CDK9: variants seen among roughly 807,000 people sequenced by gnomAD.
CDK9 encodes cyclin dependent kinase 9.
In CDK9, 34 loss-of-function variants were observed where a neutral mutation model predicts 39.0. That is an observed-to-expected ratio of 0.87 (90% CI 0.66 to 1.16). The LOEUF (loss-of-function observed/expected upper bound fraction) is 1.16, where lower values mean the gene tolerates loss of function less well. Ranked by LOEUF, CDK9 falls within the 50% of genes most tolerant of loss-of-function variation. The pLI is 0.00. For synonymous variants in CDK9, 233 were observed against 196.2 expected (o/e 1.19, Z -1.57); for missense variants, 369 against 503.2 (o/e 0.73, Z 2.55).
chr9:127,788,648 C>T lies in CDK9; in HGVS notation c.709C>T (p.Gln237Ter), dbSNP rs372825047. The change falls in exon 6 of 7, where the codon CAA becomes TAA. Residue 237 changes from glutamine to a stop codon, truncating the protein, a stop_gained. Coordinates refer to ENST00000373264, the MANE Select transcript of CDK9 (RefSeq NM_001261.4). LOFTEE classifies it high-confidence loss of function. ...CATGCAGGGCAACACGGAGCAGCAC[C>T]AACTCGCCCTCATCAGTCAGCTCTG... ...PIMQGNTEQH[Q>*]LALISQLCGS... 2 of 1,611,878 alleles carry T rather than the reference C, an allele frequency of 1.2e-6. No homozygotes were observed. Among genetic ancestry groups the T allele is most frequent in the Non-Finnish European group, 1.7e-6 (2 of 1,179,238 alleles).
At position 127,787,550 on chromosome 9, in the gene CDK9, C is replaced by T. The variant is rs1040160859; in HGVS notation, c.207C>T (p.Ile69=). 23 of 1,613,570 alleles carry T rather than the reference C, an allele frequency of 1.4e-5. No homozygotes were observed. The highest frequency in any genetic ancestry group is 1.9e-5 in the Non-Finnish European group (22 of 1,179,672). ...TTACAGCCTTGCGGGAGATCAAGAT[C>T]CTTCAGCTTCTAAAACACGAGAATG... ...FPITALREIK[I]LQLLKHENVV... Residue 69 remains isoleucine, a synonymous_variant, in exon 3 of 7, where the codon ATC becomes ATT. Transcript: ENST00000373264.
chr9:127,789,177 G>C lies in CDK9; in HGVS notation c.754-1G>C, dbSNP rs1829385545. 1 of 1,566,552 alleles carries C rather than the reference G, an allele frequency of 6.4e-7. No individual in the cohort carries two copies. The highest frequency in any genetic ancestry group is 8.7e-7 in the Non-Finnish European group (1 of 1,151,926). ...TTCTCTCAACGCCCCCTCCCTCCCA[G>C]GTGTGGCCAAACGTGGACAACTATG... is the stretch of plus-strand genomic sequence containing the variant. On this transcript the variant is annotated splice_acceptor_variant, in intron 6 of 6. Transcript: ENST00000373264. LOFTEE classifies it high-confidence loss of function. The surrounding 1 kb of genome is among the most constrained non-coding windows in gnomAD (Gnocchi z 5.2).
rs1237129942 is a variant in CDK9, at chr9:127,788,272, A to C, written c.491A>C (p.Lys164Thr). 1 of 1,613,610 alleles carries C rather than the reference A, an allele frequency of 6.2e-7. No homozygotes were observed. The highest frequency in any genetic ancestry group is 1.3e-5 in the African/African-American group (1 of 74,956). ...NVLITRDGVL[K>T]LADFGLARAF... ...CTTATCACTCGTGATGGGGTCCTGA[A>C]GCTGGCAGACTTTGGGCTGGCCCGG... The change falls in exon 5 of 7, where the codon AAG (lysine) becomes ACG (threonine). Residue 164 changes from lysine to threonine, a missense_variant. Physicochemically the swap from Lys to Thr is moderately conservative, Grantham distance 78 (BLOSUM62 -1). Coordinates refer to ENST00000373264, the MANE Select transcript of CDK9 (RefSeq NM_001261.4).
chr9:127,786,877 A>G (rs979083261), intron 2 of CDK9, 95 bp downstream of exon 2: 24 of 983,504 alleles, frequency 2.4e-5, no homozygotes, highest in Non-Finnish European at 3.7e-5. Context: ...TCAGGTTGAG[A>G]TTTAATTTTT....
chr9:127,786,798 G>A lies in CDK9; in HGVS notation c.174+16G>A, dbSNP rs3217734. The A allele has an allele frequency of 3.3e-3, 5,283 of 1,611,882 alleles. 201 individuals are homozygous for A. In the East Asian group the frequency reaches 0.08, roughly 24 times the overall value. ...GAAGGAGGGGGTGAGTACGGATCGG[G>A]CGTGCGGGCCGGCCGGCTAACTGCC... On this transcript the variant is annotated intron_variant, in intron 2 of 6. Coordinates refer to ENST00000373264, the MANE Select transcript of CDK9 (RefSeq NM_001261.4).
chr9:127,788,861 G>A (rs1391647661), intron 6 of CDK9, among the ~76,000 whole-genome samples, 169 bp downstream of exon 6: 1 of 152,212 alleles, frequency 6.6e-6, no homozygotes, highest in Non-Finnish European at 1.5e-5. Context: ...GACACAGGCT[G>A]TGCGCCAGTC....
chr9:127,788,889 T>C (rs1829380583), intron 6 of CDK9, among the ~76,000 whole-genome samples, 197 bp downstream of exon 6: 1 of 152,128 alleles, frequency 6.6e-6, no homozygotes, highest in African/African-American at 2.4e-5. Flanking sequence ...CATCAGCTGT[T>C]CTGTGGCCTT....
At position 127,787,545 on chromosome 9, in the gene CDK9, A is replaced by G. The variant is rs1829353022; in HGVS notation, c.202A>G (p.Lys68Glu). The stretch of plus-strand genomic sequence containing the variant: ...CCCCATTACAGCCTTGCGGGAGATC[A>G]AGATCCTTCAGCTTCTAAAACACGA... Reference protein sequence around the residue: ...GFPITALREIKILQLLKHENV... With the variant: ...GFPITALREIEILQLLKHENV... The change falls in exon 3 of 7, where the codon AAG becomes GAG. Residue 68 changes from lysine to glutamate, a missense_variant. Lys to Glu is a moderately conservative substitution (Grantham distance 56). Coordinates refer to ENST00000373264, the MANE Select transcript of CDK9 (RefSeq NM_001261.4). 1.2e-6 allele frequency: 2 copies of G among 1,613,624 alleles called. No homozygotes were observed. The highest frequency in any genetic ancestry group is 1.7e-6 in the Non-Finnish European group (2 of 1,179,670).
chr9:127,790,665 T>TA lies in CDK9; in HGVS notation c.*1123dup, dbSNP rs1243414579. On this transcript the variant is annotated 3_prime_UTR_variant, in exon 7 of 7. Transcript: ENST00000373264. ...TGGAGGTCAATTTCCTACATCCTCT[T>TA]ACAGGCGGAGACCTTGAAGTGGGGC... 2 of 152,080 alleles carry TA rather than the reference T, an allele frequency of 1.3e-5. No individual in the cohort carries two copies. Among genetic ancestry groups the TA allele is most frequent in the African/African-American group, 4.8e-5 (2 of 41,378 alleles). The allele number at this position is 152,080 out of a possible 1,614,324, so 9.4% of individuals were successfully genotyped here.
chr9:127,786,198 C>G lies in CDK9; in HGVS notation c.50C>G (p.Ser17Cys), dbSNP rs781197980. ...GAGTGCCCTTTTTGTGATGAAGTTT[C>G]CAAATACGAGAAGCTCGCCAAGATC... Reference protein sequence around the residue: ...SVECPFCDEVSKYEKLAKIGQ... With the variant: ...SVECPFCDEVCKYEKLAKIGQ... The change falls in exon 1 of 7, where the codon TCC becomes TGC. Residue 17 changes from serine to cysteine, a missense_variant. Coordinates refer to ENST00000373264, the MANE Select transcript of CDK9 (RefSeq NM_001261.4). 6.2e-7 allele frequency: 1 copy of G among 1,610,542 alleles called. No individual in the cohort carries two copies. Among genetic ancestry groups the G allele is most frequent in the South Asian group, 1.1e-5 (1 of 90,930 alleles).
In CDK9 at chr9:127,789,389, C is replaced by T; in HGVS notation, c.965C>T (p.Ser322Phe). The change falls in exon 7 of 7, where the codon TCC becomes TTC. Residue 322 changes from serine to phenylalanine, a missense_variant. Transcript: ENST00000373264. This position sits in a 1 kb window ranked among gnomAD's most constrained non-coding sequence, Gnocchi z 5.2. ...HDFFWSDPMP[S>F]DLKGMLSTHL... ...TTCTTCTGGTCCGACCCCATGCCCTCCGACCTCAAGGGCATGCTCTCCACC... is the reference window on the plus strand; with the variant it reads ...TTCTTCTGGTCCGACCCCATGCCCTTCGACCTCAAGGGCATGCTCTCCACC... 6.2e-7 allele frequency: 1 copy of T among 1,614,048 alleles called. No individual in the cohort carries two copies.
Position 127,786,238 on chromosome 9 carries a change from CG to C in CDK9, c.92+1del. Reference protein sequence around the residue: ...KLAKIGQGTFGEVFKARHRKT... With the variant: ...KLAKIGQGTFXEVFKARHRKT... The stretch of plus-strand genomic sequence containing the variant: ...TCGCCAAGATCGGCCAAGGCACCTT[CG>C]GGTAAGGCTGGGCCCCTCGGGGCCG... On this transcript the variant is annotated frameshift_variant and splice_region_variant, in exon 1 of 7. Coordinates refer to ENST00000373264, the MANE Select transcript of CDK9 (RefSeq NM_001261.4). LOFTEE classifies it high-confidence loss of function. 6.2e-7 allele frequency: 1 copy of C among 1,607,578 alleles called. No homozygotes were observed. The highest frequency in any genetic ancestry group is 8.5e-7 in the Non-Finnish European group (1 of 1,177,504).
chr9:127,786,519 G>C (rs1449323273), intron 1 of CDK9, among the ~76,000 whole-genome samples, 182 bp from the exon 2 acceptor site: 1 of 152,236 alleles, frequency 6.6e-6, no homozygotes, highest in Non-Finnish European at 1.5e-5. Flanking sequence ...GGGACTGAGG[G>C]AAGGAAGCAG....
At chr9:127,786,656 CG>C (rs771202984) in intron 1 of CDK9, 44 bp from the exon 2 acceptor site, 1 of 1,544,316 alleles carries the variant, frequency 6.5e-7, no homozygotes, top group East Asian at 2.3e-5. Context: ...GCGGGCCCTG[CG>C]GAAATGGCCT....
intron 3 of CDK9, 96 bp downstream of exon 3, chr9:127,787,704 C>G: frequency 1.0e-6 from 1 of 975,342 alleles, no homozygotes; most frequent in Non-Finnish European, 1.6e-6. Context: ...CTCTTCTTAA[C>G]TCAGATGGAC....
In CDK9 at chr9:127,789,800, G is replaced by A. The variant is rs970583935; in HGVS notation, c.*257G>A. On this transcript the variant is annotated 3_prime_UTR_variant, in exon 7 of 7. Transcript: ENST00000373264. The surrounding 1 kb of genome is among the most constrained non-coding windows in gnomAD (Gnocchi z 5.2). ...TTCCATGGGGTAGGAGGATGGGCTC[G>A]CCCACCAGTGACTTTTTCTAAGAGC... 1.2e-5 allele frequency: 6 copies of A among 490,040 alleles called. No individual in the cohort carries two copies. Among genetic ancestry groups the A allele is most frequent in the Non-Finnish European group, 2.2e-5 (6 of 276,042 alleles). 30.4% of individuals were successfully genotyped at this position (490,040 alleles called of 1,614,324 possible). A position where few individuals can be genotyped will look rare whatever the true frequency, so the allele number is the denominator to read the frequency against.
At position 127,789,261 on chromosome 9, in the gene CDK9, G is replaced by A. The variant is rs1413360197; in HGVS notation, c.837G>A (p.Leu279=). ...AGAAGCGGAAGGTGAAGGACAGGCT[G>A]AAGGCCTATGTGCGTGACCCATACG... is the stretch of plus-strand genomic sequence containing the variant. The part of the protein sequence containing the change: ...KGQKRKVKDR[L]KAYVRDPYAL... Residue 279 remains leucine (L), a synonymous_variant, in exon 7 of 7, where the codon CTG becomes CTA. Coordinates refer to ENST00000373264, the MANE Select transcript of CDK9 (RefSeq NM_001261.4). This position sits in a 1 kb window ranked among gnomAD's most constrained non-coding sequence, Gnocchi z 5.2. The A allele has an allele frequency of 6.2e-7, 1 of 1,613,580 alleles. No individual in the cohort carries two copies. Among genetic ancestry groups the A allele is most frequent in the Non-Finnish European group, 8.5e-7 (1 of 1,179,766 alleles).
Position 127,786,699 on chromosome 9 carries a change from A to T in CDK9, c.93-2A>T, listed in dbSNP as rs780038803. 3 of 1,613,384 alleles carry T rather than the reference A, an allele frequency of 1.9e-6. No individual in the cohort carries two copies. Among genetic ancestry groups the T allele is most frequent in the South Asian group, 1.1e-5 (1 of 90,944 alleles). ...TTCTCGGGTCTCCCTTTCCGCCTGCAGGGAGGTGTTCAAGGCCAGGCACCG... is the reference window on the plus strand; with the variant it reads ...TTCTCGGGTCTCCCTTTCCGCCTGCTGGGAGGTGTTCAAGGCCAGGCACCG... On this transcript the variant is annotated splice_acceptor_variant, in intron 1 of 6. Coordinates refer to ENST00000373264, the MANE Select transcript of CDK9 (RefSeq NM_001261.4). LOFTEE classifies it high-confidence loss of function.
chr9:127,787,923 T>C (rs781103819), intron 3 of CDK9, 24 bp from the exon 4 acceptor site: 7 of 1,612,136 alleles, frequency 4.3e-6, no homozygotes, highest in Non-Finnish European at 5.9e-6. Context: ...TCTTGACTTT[T>C]TCTTCTTTCT....
Sources: allele counts gnomAD v4.1 joint callset (sites outside exome capture counted in the v4.1 genomes callset), GRCh38; gene constraint gnomAD v4.1.1; non-coding constraint Gnocchi (gnomAD v3.1); transcripts MANE v1.5; gene names NCBI Gene and HGNC (gene_info 2026-07-23, HGNC 2026-07-21).